Variants in GPC6 observed in about 807,000 individuals in gnomAD.
GPC6 encodes glypican 6, also known as glypican-6.
Under a neutral mutation model 55.2 loss-of-function variants are expected in GPC6, and 14 were observed. The observed-to-expected ratio is 0.25, with a 90% CI of 0.17 to 0.40. The LOEUF is 0.40. Among genes scored for constraint, GPC6 ranks in the 10% least tolerant of loss-of-function variants. The probability of loss-of-function intolerance (pLI) is 1.00; values close to 1 mark genes in which losing one functional copy is unlikely to be tolerated. For synonymous variants in GPC6, 278 were observed against 259.6 expected, an observed-to-expected ratio of 1.07 and a Z score of -0.68; for missense variants, 641 against 708.5, an observed-to-expected ratio of 0.90 and a Z score of 1.08.
chr13:94,306,578 A>G (rs1875957869), intron 6 of GPC6, among the ~76,000 whole-genome samples: 1 of 152,104 alleles, frequency 6.6e-6, no homozygotes, highest in African/African-American at 2.4e-5. Flanking sequence ...CCCCAAATCA[A>G]TGTTACTATC....
intron 4 of GPC6, among the ~76,000 whole-genome samples, chr13:94,186,530 T>C (rs1470138656): frequency 2.0e-5 from 3 of 152,180 alleles, no homozygotes; most frequent in Non-Finnish European, 4.4e-5. Context: ...TAAGAAGGTT[T>C]AGGGTCACCG....
chr13:93,974,144 T>A (rs1880415533), intron 3 of GPC6, among the ~76,000 whole-genome samples: 1 of 152,190 alleles, frequency 6.6e-6, no homozygotes, highest in South Asian at 2.1e-4. Context: ...TTTGGCAGGT[T>A]CCCCTGCCCC....
At chr13:93,499,091 T>TCTCACA (rs111757013) in intron 1 of GPC6, among the ~76,000 whole-genome samples, 1 of 133,626 alleles carries the variant, frequency 7.5e-6, no homozygotes, top group South Asian at 2.4e-4. Flanking sequence ...TCCTTAATTG[T>TCTCACA]CACACACACA....
intron 1 of GPC6, among the ~76,000 whole-genome samples, chr13:93,302,794 G>A (rs1051340917): frequency 6.6e-6 from 1 of 152,152 alleles, no homozygotes; most frequent in Admixed American, 6.5e-5. Context: ...AGAAGGCAGA[G>A]TACCGTAATG....
At chr13:94,068,353 G>C (rs536590699) in intron 4 of GPC6, among the ~76,000 whole-genome samples, 202 of 152,200 alleles carry the variant, frequency 1.3e-3, no homozygotes, top group African/African-American at 4.7e-3. Flanking sequence ...CTCCCACCAG[G>C]TTCCTCCCAT....
chr13:94,206,364 A>G (rs555064199), intron 4 of GPC6, among the ~76,000 whole-genome samples: 51 of 152,208 alleles, frequency 3.4e-4, no homozygotes, highest in African/African-American at 1.1e-3. Flanking sequence ...TTCACACTAC[A>G]TGCTGCAGAC....
chr13:93,738,362 C>G (rs1157958559), intron 2 of GPC6, among the ~76,000 whole-genome samples: 1 of 152,052 alleles, frequency 6.6e-6, no homozygotes. Flanking sequence ...AAATGATCAC[C>G]CATGTTTTCT....
chr13:93,479,055 C>T (rs1454375528), intron 1 of GPC6, among the ~76,000 whole-genome samples: 1 of 152,054 alleles, frequency 6.6e-6, no homozygotes, highest in East Asian at 1.9e-4. Context: ...GCTTGTTGAA[C>T]CAGACATCTA....
chr13:93,868,397 TTAA>T (rs1160563980), intron 3 of GPC6, among the ~76,000 whole-genome samples: 76 of 151,948 alleles, frequency 5.0e-4, no homozygotes, highest in Non-Finnish European at 4.7e-4. Flanking sequence ...AATAATTCAA[TTAA>T]TGATTGTAAT....
At chr13:93,824,859 G>A (rs775166661) in intron 2 of GPC6, among the ~76,000 whole-genome samples, 13 of 151,840 alleles carry the variant, frequency 8.6e-5, no homozygotes, top group Non-Finnish European at 1.0e-4. Context: ...TTCATCCATC[G>A]ATCTATTCAT....
intron 2 of GPC6, among the ~76,000 whole-genome samples, chr13:93,827,264 G>GAT (rs1176571104): frequency 3.3e-5 from 5 of 152,130 alleles, no homozygotes; most frequent in Admixed American, 2.0e-4. Flanking sequence ...GCTTGCACAT[G>GAT]ATACTTCATC....
At chr13:93,901,800 C>T (rs140524716) in intron 3 of GPC6, among the ~76,000 whole-genome samples, 1,764 of 150,596 alleles carry the variant, frequency 0.012, 36 homozygotes, top group African/African-American at 0.041. Context: ...ACTCAGGAGG[C>T]TGAGGCAGGA....
intron 2 of GPC6, among the ~76,000 whole-genome samples, chr13:93,564,113 A>G (rs929846928): frequency 6.6e-6 from 1 of 152,152 alleles, no homozygotes; most frequent in Non-Finnish European, 1.5e-5. Flanking sequence ...ACTTTAACTC[A>G]TAAAGGAAAT....
chr13:93,533,826 G>A (rs1881955341), intron 1 of GPC6, among the ~76,000 whole-genome samples: 1 of 151,878 alleles, frequency 6.6e-6, no homozygotes, highest in Non-Finnish European at 1.5e-5. Context: ...CATCCTGCTT[G>A]AGAGAGAAAT....
chr13:94,392,415 A>ATTTTTTTTTTTT (rs59173357), intron 7 of GPC6, among the ~76,000 whole-genome samples: 6 of 105,672 alleles, frequency 5.7e-5, no homozygotes, highest in Non-Finnish European at 9.5e-5. Context: ...TCTATTTTTA[A>ATTTTTTTTTTTT]TTTTTTTTTT....
chr13:94,114,370 C>G lies in GPC6; in HGVS notation c.877+86476C>G, dbSNP rs769433649. 1.2e-4 allele frequency among the ~76,000 whole-genome samples: 19 copies of G among 152,038 alleles called. 1 individual carries two copies. The highest frequency in any genetic ancestry group is 2.2e-4 in the Non-Finnish European group (15 of 67,992). On this transcript the variant is annotated intron_variant, in intron 4 of 8. Coordinates refer to ENST00000377047, the MANE Select transcript of GPC6 (RefSeq NM_005708.5). ...ATGGCCTTGGCTTTGAAGAATAGAT[C>G]TAATTTGGTCAGACTGGTAGGAGAA...
At chr13:94,287,163 C>T (rs1892555472) in intron 5 of GPC6, among the ~76,000 whole-genome samples, 1 of 152,156 alleles carries the variant, frequency 6.6e-6, no homozygotes, top group Admixed American at 6.5e-5. Context: ...TGCAGTGGGT[C>T]TCCCGCCTCT....
At chr13:93,601,417 G>T (rs539599484) in intron 2 of GPC6, among the ~76,000 whole-genome samples, 1 of 152,006 alleles carries the variant, frequency 6.6e-6, no homozygotes, top group African/African-American at 2.4e-5. Flanking sequence ...ATAAAAACAT[G>T]GGCATTAAGT....
At chr13:93,543,806 G>A (rs1297900970) in intron 1 of GPC6, among the ~76,000 whole-genome samples, 3 of 152,070 alleles carry the variant, frequency 2.0e-5, no homozygotes, top group East Asian at 1.9e-4. Context: ...TCTCTTTGAT[G>A]TATTGATTTC....
Sources: gnomAD v4.1 joint callset for allele counts (sites outside exome capture counted in the v4.1 genomes callset) on GRCh38, gnomAD v4.1.1 for gene constraint, MANE v1.5 for transcripts, NCBI Gene and HGNC (gene_info 2026-07-23, HGNC 2026-07-21) for gene names.